The following CLSTN2 variants were observed in gnomAD, a reference collection of about 807,000 sequenced individuals.
The protein encoded by CLSTN2 is calsyntenin-2.
CLSTN2 carries 48 observed loss-of-function variants against 101.2 expected under a neutral mutation model. That is an observed-to-expected ratio of 0.47 (90% CI 0.38 to 0.60). CLSTN2 has a LOEUF of 0.60. Ranked by LOEUF, CLSTN2 falls within the 20% of genes least tolerant of loss-of-function variation. The pLI, the probability that CLSTN2 is intolerant of heterozygous loss-of-function variation, is 0.00. For synonymous variants in CLSTN2, 481 were observed against 463.6 expected (o/e 1.04, Z -0.48); for missense variants, 1,160 against 1,238.2 (o/e 0.94, Z 0.95).
At chr3:140,332,609 G>C (rs1049433375) in intron 2 of CLSTN2, among the ~76,000 whole-genome samples, 1 of 151,944 alleles carries the variant, frequency 6.6e-6, no homozygotes, top group Non-Finnish European at 1.5e-5. Context: ...AACCTGGAAG[G>C]TGCTGAGCAA....
intron 1 of CLSTN2, among the ~76,000 whole-genome samples, chr3:140,014,098 G>T (rs1457739872): frequency 6.6e-6 from 1 of 152,178 alleles, no homozygotes; most frequent in East Asian, 1.9e-4. Flanking sequence ...CTGACCTATT[G>T]GTCTGCCATT....
At chr3:140,040,916 T>C (rs1358102804) in intron 1 of CLSTN2, among the ~76,000 whole-genome samples, 5 of 152,056 alleles carry the variant, frequency 3.3e-5, no homozygotes, top group Admixed American at 3.3e-4. Flanking sequence ...TCTGGCATGA[T>C]GGGAGGATGA....
At chr3:140,213,036 G>T (rs1184780471) in intron 2 of CLSTN2, among the ~76,000 whole-genome samples, 3 of 152,186 alleles carry the variant, frequency 2.0e-5, no homozygotes, top group African/African-American at 7.2e-5. Context: ...CCATCATCAA[G>T]CAATTAAACT....
At chr3:140,029,717 A>T (rs1328469526) in intron 1 of CLSTN2, among the ~76,000 whole-genome samples, 1 of 152,230 alleles carries the variant, frequency 6.6e-6, no homozygotes, top group Non-Finnish European at 1.5e-5. Context: ...TGTAAATTTT[A>T]AATTAAATTT....
intron 1 of CLSTN2, among the ~76,000 whole-genome samples, chr3:140,122,470 A>G (rs1022371990): frequency 1.5e-4 from 23 of 152,214 alleles, no homozygotes; most frequent in African/African-American, 4.3e-4. Context: ...GATTCACAGT[A>G]TAACTATTTT....
intron 1 of CLSTN2, among the ~76,000 whole-genome samples, chr3:139,980,483 T>G (rs554611839): frequency 6.6e-6 from 1 of 152,204 alleles, no homozygotes; most frequent in African/African-American, 2.4e-5. Context: ...ATTTCTTGTC[T>G]CTTTGTGTGT....
At chr3:140,348,698 C>A (rs1004378639) in intron 2 of CLSTN2, among the ~76,000 whole-genome samples, 1 of 152,174 alleles carries the variant, frequency 6.6e-6, no homozygotes, top group Non-Finnish European at 1.5e-5. Flanking sequence ...TCATATTATG[C>A]TCCAAATCAC....
chr3:140,558,133 G>A (rs1935837043), intron 11 of CLSTN2, among the ~76,000 whole-genome samples: 1 of 152,200 alleles, frequency 6.6e-6, no homozygotes, highest in South Asian at 2.1e-4. Context: ...GTGTGGCAGT[G>A]TATCAGGAGA....
intron 1 of CLSTN2, among the ~76,000 whole-genome samples, chr3:139,946,463 G>A (rs1935215922): frequency 6.6e-6 from 1 of 152,208 alleles, no homozygotes; most frequent in Non-Finnish European, 1.5e-5. Flanking sequence ...CCTTGGTCTT[G>A]CTGCTACTCC....
intron 7 of CLSTN2, among the ~76,000 whole-genome samples, chr3:140,462,233 C>G (rs2108018082): frequency 6.6e-6 from 1 of 152,188 alleles, no homozygotes; most frequent in East Asian, 1.9e-4. Flanking sequence ...ATAACATTAT[C>G]TCCACATCAT....
chr3:140,041,382 A>AC (rs77116887), intron 1 of CLSTN2, among the ~76,000 whole-genome samples: 11,552 of 152,116 alleles, frequency 0.076, 479 homozygotes, highest in East Asian at 0.16. Flanking sequence ...TTCTGGGCAG[A>AC]CCCTTGTCTC....
At position 140,103,282 on chromosome 3, in the gene CLSTN2, C is replaced by G. The variant is rs2008997990; in HGVS notation, c.110-72669C>G. Among the ~76,000 whole-genome samples the G allele has an allele frequency of 2.0e-5, 3 of 152,308 alleles. No homozygotes were observed. The South Asian group carries it at 6.2e-4, about 32-fold the overall frequency. ...GCCAGGATTGCTAACTTCCACATGGCCTTCTCACTGTCTTCATCACTCTCT... is the reference window on the plus strand; with the variant it reads ...GCCAGGATTGCTAACTTCCACATGGGCTTCTCACTGTCTTCATCACTCTCT... On this transcript the variant is annotated intron_variant, in intron 1 of 16. Coordinates refer to ENST00000458420, the MANE Select transcript of CLSTN2 (RefSeq NM_022131.3).
intron 1 of CLSTN2, among the ~76,000 whole-genome samples, chr3:140,168,034 T>C (rs903033287): frequency 6.6e-6 from 1 of 152,344 alleles, no homozygotes; most frequent in African/African-American, 2.4e-5. Context: ...TACAAGTCTT[T>C]CGTGTAATTT....
At chr3:140,447,814 A>G (rs7633935) in intron 5 of CLSTN2, among the ~76,000 whole-genome samples, 32,372 of 152,166 alleles carry the variant, frequency 0.21, 4,129 homozygotes, top group African/African-American at 0.35. Flanking sequence ...TTAGAAAAAA[A>G]GGAGAAAGAG....
At chr3:140,045,661 A>G (rs1438161966) in intron 1 of CLSTN2, among the ~76,000 whole-genome samples, 1 of 152,218 alleles carries the variant, frequency 6.6e-6, no homozygotes, top group Non-Finnish European at 1.5e-5. Flanking sequence ...ATTTAATGCT[A>G]TAAATTTCCC....
At chr3:140,264,100 G>A (rs1464088396) in intron 2 of CLSTN2, among the ~76,000 whole-genome samples, 6 of 152,030 alleles carry the variant, frequency 3.9e-5, no homozygotes, top group South Asian at 2.1e-4. Flanking sequence ...GAGGTCAAAC[G>A]AGGTGATGCT....
chr3:140,044,454 A>G (rs1254464668), intron 1 of CLSTN2, among the ~76,000 whole-genome samples: 2 of 152,210 alleles, frequency 1.3e-5, no homozygotes, highest in Non-Finnish European at 2.9e-5. Context: ...TTTTCTAGAT[A>G]TACAATCATG....
chr3:140,011,057 A>G (rs1207765089), intron 1 of CLSTN2, among the ~76,000 whole-genome samples: 1 of 152,146 alleles, frequency 6.6e-6, no homozygotes, highest in African/African-American at 2.4e-5. Context: ...GCATGTCACC[A>G]TGGTCAGAGG....
intron 2 of CLSTN2, among the ~76,000 whole-genome samples, chr3:140,253,231 G>T (rs114282609): frequency 6.6e-6 from 1 of 152,190 alleles, no homozygotes; most frequent in African/African-American, 2.4e-5. Flanking sequence ...TTGTGGTCAC[G>T]GGCAGGAGTA....
Sources: allele counts gnomAD v4.1 joint callset (sites outside exome capture counted in the v4.1 genomes callset), GRCh38; gene constraint gnomAD v4.1.1; transcripts MANE v1.5; gene names NCBI Gene and HGNC (gene_info 2026-07-23, HGNC 2026-07-21).